Variants in BCOR observed in about 807,000 individuals in gnomAD.
The protein encoded by BCOR is BCL-6 corepressor.
A neutral mutation model predicts 86.7 loss-of-function variants in BCOR; 10 were observed. The ratio of observed to expected loss-of-function variants is 0.12; its 90% CI spans 0.07 to 0.20. BCOR has a LOEUF of 0.20. Ranked by LOEUF, BCOR falls within the 10% of genes least tolerant of loss-of-function variation. The pLI, the probability that BCOR is intolerant of heterozygous loss-of-function variation, is 1.00. For missense variants in BCOR, 1,259 were observed against 1,452.1 expected, an observed-to-expected ratio of 0.87 and a Z score of 2.16; for synonymous variants, 611 against 609.0, an observed-to-expected ratio of 1.00 and a Z score of -0.05.
In BCOR at chrX:40,097,894, C is replaced by A. The variant is rs1374726805; in HGVS notation, c.-720G>T. ...GCGTCTCCCCCGCAGCCGCCGAGCT[C>A]GGCCCGCGTTCAGCGAGGAGCGCAG... is the stretch of plus-strand genomic sequence containing the variant. On this transcript the variant is annotated 5_prime_UTR_variant, in exon 1 of 15. Coordinates refer to ENST00000378444, the MANE Select transcript of BCOR (RefSeq NM_001123385.2). Among the ~76,000 whole-genome samples, 3 of 110,582 alleles carry A rather than the reference C, an allele frequency of 2.7e-5. No homozygotes were observed. The highest frequency in any genetic ancestry group is 5.7e-5 in the Non-Finnish European group (3 of 52,375).
intron 1 of BCOR, among the ~76,000 whole-genome samples, chrX:40,123,154 A>G (rs1444095534): frequency 9.0e-6 from 1 of 110,921 alleles, no homozygotes; most frequent in African/African-American, 3.3e-5. Context: ...CCATTTCCTT[A>G]ACCTGCTAGG....
rs1474217458 is a variant in BCOR at position 40,063,943 on chromosome X, G to A, written c.3512C>T (p.Pro1171Leu). 2 of 1,197,604 alleles carry A rather than the reference G, an allele frequency of 1.7e-6. No individual in the cohort carries two copies. The highest frequency in any genetic ancestry group is 1.1e-6 in the Non-Finnish European group (1 of 886,330). Residue 1171 changes from proline (P) to leucine (L), a missense_variant, in exon 8 of 15, where the codon CCT becomes CTT. Pro to Leu is a moderately conservative substitution (Grantham distance 98). Transcript: ENST00000378444. Reference protein sequence around the residue: ...KRRRVSKDDWPEREMTNSSSN... With the variant: ...KRRRVSKDDWLEREMTNSSSN... ...GGAACTGTTTGTCATTTCCCTCTCA[G>A]GCCAGTCATCTAATGGAGAAATAAC...
chrX:40,103,886 C>T (rs953782844), intron 1 of BCOR, among the ~76,000 whole-genome samples: 6 of 111,424 alleles, frequency 5.4e-5, no homozygotes, highest in Admixed American at 9.5e-5. Flanking sequence ...TCGGTCACTT[C>T]TTATCTCGCA....
rs1356711029 is a variant in BCOR at position 40,110,665 on chromosome X, TTC to T, written c.-40-32698_-40-32697del. Among the ~76,000 whole-genome samples the T allele has an allele frequency of 6.7e-5, 6 of 90,182 alleles. No homozygotes were observed. The East Asian group carries it at 1.6e-3, about 24-fold the overall frequency. The allele number at this position is 90,182 out of a possible 115,157, so 78.3% of individuals were successfully genotyped here. ...TTTTCTTTTTTTTCTTTTTTCCTTT[TTC>T]TTTTTTTTTTTTTTTTTTTTTTTTT... is the stretch of plus-strand genomic sequence containing the variant. On this transcript the variant is annotated intron_variant, in intron 1 of 14. Coordinates refer to the BCOR transcript ENST00000342274.
chrX:40,159,708 G>C (rs1478266524), intron 1 of BCOR, among the ~76,000 whole-genome samples: 1 of 112,057 alleles, frequency 8.9e-6, no homozygotes, highest in Non-Finnish European at 1.9e-5. Flanking sequence ...AAAGTTTTCA[G>C]ATTTAAAGAA....
chrX:40,064,203 C>T lies in BCOR; in HGVS notation c.3502+133G>A, dbSNP rs938346994. The T allele has an allele frequency of 3.8e-4, 368 of 980,659 alleles. 1 individual carries two copies. The highest frequency in any genetic ancestry group is 3.8e-4 in the Middle Eastern group (1 of 2,662). 80.8% of individuals were successfully genotyped at this position (980,659 alleles called of 1,213,427 possible). The stretch of plus-strand genomic sequence containing the variant: ...AATGGAGAGGTCCGCTCCACTGCTG[C>T]GCCCCCACGGCTTCCCCTCACCGAC... On this transcript the variant is annotated intron_variant, in intron 7 of 14. Transcript: ENST00000378444.
At chrX:40,141,703 T>C (rs1195520279) in intron 1 of BCOR, among the ~76,000 whole-genome samples, 1 of 110,523 alleles carries the variant, frequency 9.0e-6, no homozygotes, top group Non-Finnish European at 1.9e-5. Flanking sequence ...CTTTTCTAGC[T>C]AGAAAAGTTG....
At chrX:40,067,986 AC>A (rs1935286217) in intron 6 of BCOR, 1 of 111,898 alleles carries the variant, frequency 8.9e-6, no homozygotes, top group Non-Finnish European at 1.9e-5. Context: ...CATTGCAACT[AC>A]TTACAGCCCT....
At chrX:40,094,526 G>C (rs1254487365) in intron 1 of BCOR, among the ~76,000 whole-genome samples, 1 of 113,214 alleles carries the variant, frequency 8.8e-6, no homozygotes, top group Non-Finnish European at 1.9e-5. Flanking sequence ...TCACAGCTCC[G>C]CGCGCTGGGC....
intron 1 of BCOR, among the ~76,000 whole-genome samples, chrX:40,104,719 G>A (rs189544869): frequency 1.8e-5 from 2 of 112,930 alleles, no homozygotes; most frequent in East Asian, 2.8e-4. Context: ...GCCTGCCGCG[G>A]ACGGATTGTC....
At chrX:40,147,285 T>G (rs1938079450) in intron 1 of BCOR, among the ~76,000 whole-genome samples, 1 of 112,587 alleles carries the variant, frequency 8.9e-6, no homozygotes. Context: ...CCGTCAACTC[T>G]GCAAAGTAGG....
intron 10 of BCOR, among the ~76,000 whole-genome samples, chrX:40,061,557 G>C (rs1425739117): frequency 1.8e-5 from 2 of 110,708 alleles, no homozygotes; most frequent in Non-Finnish European, 3.8e-5. Context: ...ATGAGCAGGG[G>C]GGCTGGGGAG....
chrX:40,088,468 G>A (rs1403957221), intron 1 of BCOR, among the ~76,000 whole-genome samples: 3 of 111,532 alleles, frequency 2.7e-5, no homozygotes, highest in Non-Finnish European at 3.8e-5. Context: ...GGAAAAAGAG[G>A]GAGGAGGAGG....
chrX:40,139,417 T>TA (rs1338334799), intron 1 of BCOR, among the ~76,000 whole-genome samples: 1 of 5,881 alleles, frequency 1.7e-4, no homozygotes, highest in Non-Finnish European at 2.4e-4. Context: ...ATATATATAA[T>TA]ATATATACAT....
chrX:40,063,992 C>A (rs750660686), intron 7 of BCOR, 40 bp from the exon 8 acceptor site: 3 of 491,572 alleles, frequency 6.1e-6, no homozygotes, highest in Non-Finnish European at 8.5e-6. Flanking sequence ...AAAAGCCCCC[C>A]GGGGGGGAAC....
chrX:40,089,412 A>T (rs760115580), intron 1 of BCOR, among the ~76,000 whole-genome samples: 2 of 111,797 alleles, frequency 1.8e-5, no homozygotes, highest in Admixed American at 1.9e-4. Flanking sequence ...ATTTTCACAT[A>T]CTGTCTCCTC....
chrX:40,121,350 A>T (rs1260445408), intron 1 of BCOR, among the ~76,000 whole-genome samples: 1 of 111,852 alleles, frequency 8.9e-6, no homozygotes, highest in East Asian at 2.8e-4. Context: ...ACTTCCTCCA[A>T]GATACCTTCC....
At chrX:40,173,061 A>C (rs931878075) in intron 1 of BCOR, among the ~76,000 whole-genome samples, 8 of 112,271 alleles carry the variant, frequency 7.1e-5, no homozygotes, top group Non-Finnish European at 1.3e-4. Flanking sequence ...TAAAGGCCAA[A>C]TGTTGGGCCT....
intron 10 of BCOR, among the ~76,000 whole-genome samples, chrX:40,060,726 CTT>C (rs748850949): frequency 1.1e-3 from 119 of 112,960 alleles, no homozygotes; most frequent in Middle Eastern, 4.6e-3. Context: ...CTGGCTGCCA[CTT>C]GGGTTTAATC....
Sources: allele counts gnomAD v4.1 joint callset (sites outside exome capture counted in the v4.1 genomes callset), GRCh38; gene constraint gnomAD v4.1.1; transcripts MANE v1.5; gene names NCBI Gene and HGNC (gene_info 2026-07-23, HGNC 2026-07-21).